Variants in WDR5 observed in about 807,000 individuals in gnomAD.
The protein encoded by WDR5 is WD repeat-containing protein 5.
For synonymous variants in WDR5, 144 were observed against 161.6 expected (o/e 0.89, Z 0.83); for missense variants, 187 against 416.9 (o/e 0.45, Z 4.80).
At chr9:134,142,596 C>A in intron 6 of WDR5, 40 bp from the exon 7 acceptor site, 4 of 1,610,182 alleles carry the variant, frequency 2.5e-6, no homozygotes, top group Non-Finnish European at 3.4e-6. Flanking sequence ...TTTGTCCCCT[C>A]TCCTTCCTGT....
chr9:134,152,051 G>A, intron 9 of WDR5, 22 bp downstream of exon 9: 1 of 1,612,532 alleles, frequency 6.2e-7, no homozygotes, highest in Non-Finnish European at 8.5e-7. Context: ...TCTGTGTGGG[G>A]GCTGGGTCTG....
chr9:134,136,343 G>A (rs1229437056), intron 1 of WDR5, 143 bp downstream of exon 1: 1 of 150,156 alleles, frequency 6.7e-6, no homozygotes, highest in Non-Finnish European at 1.5e-5. Flanking sequence ...TCCCGCTGCA[G>A]CGGCCCCGCC....
intron 10 of WDR5, among the ~76,000 whole-genome samples, chr9:134,155,054 C>A (rs1428319830): frequency 1.3e-5 from 2 of 152,182 alleles, no homozygotes; most frequent in Non-Finnish European, 2.9e-5. Flanking sequence ...ACTTCCTCAC[C>A]CTTTTGAGGA....
chr9:134,155,815 C>A (rs1187795900), intron 12 of WDR5, 48 bp downstream of exon 12: 1 of 1,564,102 alleles, frequency 6.4e-7, no homozygotes, highest in South Asian at 1.1e-5. Flanking sequence ...AGCTTACTCT[C>A]CCGAGAGGTC....
At chr9:134,141,664 G>A in intron 4 of WDR5, 81 bp downstream of exon 4, 1 of 1,413,118 alleles carries the variant, frequency 7.1e-7, no homozygotes, top group Non-Finnish European at 9.8e-7. Context: ...TGCTTCGAGA[G>A]CTGTGGGTTC....
intron 7 of WDR5, among the ~76,000 whole-genome samples, 171 bp from the exon 8 acceptor site, chr9:134,148,117 C>G (rs531513477): frequency 2.7e-5 from 4 of 150,776 alleles, no homozygotes; most frequent in Non-Finnish European, 5.9e-5. Flanking sequence ...GAGCTGAGAT[C>G]GCACCCCAGC....
chr9:134,156,480 T>C, intron 12 of WDR5, 26 bp from the exon 13 acceptor site: 1 of 1,610,718 alleles, frequency 6.2e-7, no homozygotes, highest in South Asian at 1.1e-5. Flanking sequence ...TTCCTTGCCC[T>C]GTTTTCCCTG....
At chr9:134,154,800 G>A (rs1024207608) in intron 10 of WDR5, among the ~76,000 whole-genome samples, 1 of 152,222 alleles carries the variant, frequency 6.6e-6, no homozygotes, top group African/African-American at 2.4e-5. Flanking sequence ...GGCCAGGGCA[G>A]GCCTAGCCAT....
intron 8 of WDR5, 25 bp downstream of exon 8, chr9:134,148,368 G>A (rs745488931): frequency 1.9e-6 from 3 of 1,603,078 alleles, no homozygotes; most frequent in African/African-American, 1.3e-5. Context: ...TTTACTTCAT[G>A]AAGCGATGAG....
In WDR5 at chr9:134,139,915, C is replaced by T. The variant is rs777625380; in HGVS notation, c.38C>T (p.Ala13Val). The T allele has an allele frequency of 1.2e-6, 2 of 1,613,532 alleles. No homozygotes were observed. Among genetic ancestry groups the T allele is most frequent in the South Asian group, 1.1e-5 (1 of 91,072 alleles). Residue 13 changes from alanine (A) to valine (V), a missense_variant, in exon 2 of 14, where the codon GCC (alanine) becomes GTC (valine). Coordinates refer to ENST00000358625, the MANE Select transcript of WDR5 (RefSeq NM_017588.3). ...GAGAAGAAGCCCGAGACCGAGGCCG[C>T]CAGAGCACAGCCAACCCCTTCGTCA... ...TEEKKPETEA[A>V]RAQPTPSSSA... is the part of the protein sequence containing the mutation.
intron 5 of WDR5, 93 bp from the exon 6 acceptor site, chr9:134,142,240 A>C (rs756540846): frequency 7.2e-7 from 1 of 1,395,130 alleles, no homozygotes; most frequent in East Asian, 2.3e-5. Context: ...GGCATCAGGC[A>C]TGCTTTGGGA....
At chr9:134,149,482 A>G (rs1353388301) in intron 8 of WDR5, among the ~76,000 whole-genome samples, 1 of 152,216 alleles carries the variant, frequency 6.6e-6, no homozygotes, top group Non-Finnish European at 1.5e-5. Context: ...CACTTCAGGA[A>G]CAGCCAGAGG....
chr9:134,152,161 C>CTGCAG, intron 9 of WDR5, 132 bp downstream of exon 9: 1 of 1,047,282 alleles, frequency 9.5e-7, no homozygotes, highest in Non-Finnish European at 1.4e-6. Context: ...AACCTTCCTC[C>CTGCAG]GTGTCCGACC....
intron 7 of WDR5, among the ~76,000 whole-genome samples, chr9:134,146,965 C>T (rs1832240243): frequency 6.6e-6 from 1 of 152,332 alleles, no homozygotes; most frequent in East Asian, 1.9e-4. Context: ...TCTAGGGCTG[C>T]AGTACCCAGC....
intron 4 of WDR5, 68 bp downstream of exon 4, chr9:134,141,651 G>C (rs1242258560): frequency 1.3e-6 from 2 of 1,512,162 alleles, no homozygotes; most frequent in African/African-American, 1.4e-5. Context: ...AAGGGGTCAG[G>C]GCTGCTTCGA....
chr9:134,140,032 T>G (rs1330709092), intron 2 of WDR5, 74 bp downstream of exon 2: 1 of 1,535,700 alleles, frequency 6.5e-7, no homozygotes, highest in African/African-American at 1.4e-5. Flanking sequence ...CATCTCAAGC[T>G]CATAAGCCTA....
In WDR5 at chr9:134,139,834, CG is replaced by C; in HGVS notation, c.-41del. 6.2e-7 allele frequency: 1 copy of C among 1,607,664 alleles called. No homozygotes were observed. ...TCGCTCAACAGACTGCCTCTGTCAC[CG>C]GGTCCCTCCACCCTTGTCTCCTGTG... On this transcript the variant is annotated 5_prime_UTR_variant, in exon 2 of 14. Transcript: ENST00000358625.
Position 134,157,609 on chromosome 9 carries a change from G to A in WDR5, c.905-284G>A, listed in dbSNP as rs1177768044. On this transcript the variant is annotated intron_variant, in intron 13 of 13. Transcript: ENST00000358625. The surrounding 1 kb of genome is among the most constrained non-coding windows in gnomAD (Gnocchi z 5.0). Reference sequence around the variant, plus strand: ...GTGGGCGCCGAGCTGCTGTTGGTGGGGGCGTGTGGGGCTCCTGGTCTGCAG... The same window carrying A: ...GTGGGCGCCGAGCTGCTGTTGGTGGAGGCGTGTGGGGCTCCTGGTCTGCAG... Among the ~76,000 whole-genome samples the A allele has an allele frequency of 6.6e-6, 1 of 152,150 alleles. No homozygotes were observed. Among genetic ancestry groups the A allele is most frequent in the Non-Finnish European group, 1.5e-5 (1 of 68,018 alleles).
At chr9:134,135,620 C>A (rs891897688), upstream of WDR5, 4 of 152,158 alleles carry the variant, frequency 2.6e-5, no homozygotes, top group African/African-American at 9.6e-5. Flanking sequence ...GGGGGCACTG[C>A]GCCCGGGCGC....
Sources: allele counts gnomAD v4.1 joint callset (sites outside exome capture counted in the v4.1 genomes callset), GRCh38; gene constraint gnomAD v4.1.1; non-coding constraint Gnocchi (gnomAD v3.1); transcripts MANE v1.5; gene names NCBI Gene and HGNC (gene_info 2026-07-23, HGNC 2026-07-21).